CTNNA2: variants seen among roughly 807,000 people sequenced by gnomAD.
The protein encoded by CTNNA2 is catenin alpha-2.
Under a neutral mutation model 101.0 loss-of-function variants are expected in CTNNA2, and 42 were observed. The observed-to-expected ratio is 0.42, with a 90% CI of 0.32 to 0.54. The LOEUF is 0.54. CTNNA2 is among the 20% of genes least tolerant of loss of function. The pLI is 0.14. For synonymous variants in CTNNA2, 450 were observed against 456.4 expected (o/e 0.99, Z 0.18); for missense variants, 871 against 1,223.1 (o/e 0.71, Z 4.29).
chr2:80,618,985 C>G (rs1477831291), intron 17 of CTNNA2, 100 bp from the exon 18 acceptor site: 2 of 677,690 alleles, frequency 3.0e-6, no homozygotes, highest in Non-Finnish European at 4.5e-6. Flanking sequence ...ATTACCCATT[C>G]CCTCTTCCAC....
intron 8 of CTNNA2, among the ~76,000 whole-genome samples, chr2:80,415,615 T>G (rs1392598713): frequency 6.6e-6 from 1 of 152,172 alleles, no homozygotes; most frequent in Admixed American, 6.6e-5. Context: ...TTTGTGGGAA[T>G]GTAAATTAGT....
intron 1 of CTNNA2, among the ~76,000 whole-genome samples, chr2:79,645,758 T>C (rs1680773732): frequency 6.6e-6 from 1 of 152,216 alleles, no homozygotes; most frequent in Non-Finnish European, 1.5e-5. Context: ...TCAGAACAAA[T>C]CTTTTAATAA....
chr2:80,568,031 C>T (rs1478956198), intron 12 of CTNNA2, among the ~76,000 whole-genome samples: 1 of 152,092 alleles, frequency 6.6e-6, no homozygotes, highest in African/African-American at 2.4e-5. Flanking sequence ...AGTTGGGTGA[C>T]CCCTGTGCAT....
chr2:79,762,338 G>A (rs866661899), intron 3 of CTNNA2, among the ~76,000 whole-genome samples: 3 of 152,082 alleles, frequency 2.0e-5, no homozygotes, highest in African/African-American at 2.4e-5. Flanking sequence ...GGCAAGATAC[G>A]AGCATTTCAA....
chr2:80,477,907 T>A (rs903492924), intron 9 of CTNNA2, among the ~76,000 whole-genome samples: 6 of 152,108 alleles, frequency 3.9e-5, no homozygotes, highest in Non-Finnish European at 8.8e-5. Context: ...TGGGTAGATA[T>A]CCAGTAGTGG....
At chr2:79,954,963 A>G (rs1485717860) in intron 7 of CTNNA2, among the ~76,000 whole-genome samples, 1 of 152,200 alleles carries the variant, frequency 6.6e-6, no homozygotes, top group East Asian at 1.9e-4. Flanking sequence ...TTCTCTTTGA[A>G]CAAAATGAAA....
intron 7 of CTNNA2, among the ~76,000 whole-genome samples, chr2:79,968,841 T>TA (rs1690273886): frequency 2.0e-5 from 3 of 151,980 alleles, no homozygotes; most frequent in Non-Finnish European, 4.4e-5. Context: ...TTTTTTTTTT[T>TA]ACTTTGAATC....
intron 7 of CTNNA2, among the ~76,000 whole-genome samples, chr2:80,079,867 T>TAAAATAAAATAAAATAAAATA: frequency 7.1e-6 from 1 of 140,728 alleles, no homozygotes; most frequent in Non-Finnish European, 1.5e-5. Context: ...TAAAATAAAA[T>TAAAATAAAATAAAATAAAATA]AAAATAAAAT....
intron 7 of CTNNA2, among the ~76,000 whole-genome samples, chr2:80,033,686 G>T (rs757540328): frequency 6.6e-6 from 1 of 152,104 alleles, no homozygotes; most frequent in Non-Finnish European, 1.5e-5. Flanking sequence ...AACAAATACC[G>T]TATAAGAAGA....
At chr2:79,761,066 G>T (rs1319558651) in intron 3 of CTNNA2, among the ~76,000 whole-genome samples, 1 of 152,196 alleles carries the variant, frequency 6.6e-6, no homozygotes, top group Non-Finnish European at 1.5e-5. Flanking sequence ...ATGCCAGAAT[G>T]AATTTGGGAA....
chr2:79,490,012 A>G (rs1047834493), intron 4 of CTNNA2, among the ~76,000 whole-genome samples: 2 of 152,170 alleles, frequency 1.3e-5, no homozygotes, highest in Non-Finnish European at 2.9e-5. Context: ...CTTGCTTAAT[A>G]TTCTAGGACT....
intron 6 of CTNNA2, among the ~76,000 whole-genome samples, chr2:79,881,940 G>T (rs1259025701): frequency 1.3e-5 from 2 of 150,844 alleles, no homozygotes; most frequent in Admixed American, 6.6e-5. Flanking sequence ...TGCAGTGGCT[G>T]GTACTGGGTT....
intron 8 of CTNNA2, among the ~76,000 whole-genome samples, chr2:80,418,178 C>A (rs184547843): frequency 1.3e-5 from 2 of 152,122 alleles, no homozygotes; most frequent in South Asian, 2.1e-4. Context: ...GACCTTCTTA[C>A]CCTAGGCGCT....
At chr2:80,251,761 A>G (rs926229973) in intron 7 of CTNNA2, among the ~76,000 whole-genome samples, 2 of 152,164 alleles carry the variant, frequency 1.3e-5, no homozygotes, top group African/African-American at 4.8e-5. Flanking sequence ...CCCCATATTA[A>G]TCCAGTTACC....
At chr2:79,696,994 G>C (rs1684692062) in intron 2 of CTNNA2, among the ~76,000 whole-genome samples, 6 of 151,854 alleles carry the variant, frequency 4.0e-5, no homozygotes, top group Admixed American at 3.3e-4. Flanking sequence ...TAAAGTTGGA[G>C]GGTCAGAAAT....
chr2:80,514,564 T>C (rs1688958367), intron 9 of CTNNA2, among the ~76,000 whole-genome samples: 1 of 152,022 alleles, frequency 6.6e-6, no homozygotes, highest in South Asian at 2.1e-4. Flanking sequence ...GGATGTTAGA[T>C]GTGGGGAATT....
intron 2 of CTNNA2, among the ~76,000 whole-genome samples, chr2:79,687,357 G>A (rs1485085666): frequency 2.0e-5 from 3 of 151,346 alleles, no homozygotes; most frequent in Non-Finnish European, 4.4e-5. Flanking sequence ...ATATACAAAA[G>A]AAAATTTGAG....
At chr2:79,857,331 A>T (rs1222171562) in intron 3 of CTNNA2, among the ~76,000 whole-genome samples, 1 of 152,192 alleles carries the variant, frequency 6.6e-6, no homozygotes, top group Non-Finnish European at 1.5e-5. Flanking sequence ...ATGTGTTGAC[A>T]TACCTGTTTA....
intron 7 of CTNNA2, among the ~76,000 whole-genome samples, chr2:80,134,054 GC>G (rs1702558526): frequency 6.6e-6 from 1 of 152,054 alleles, no homozygotes; most frequent in Non-Finnish European, 1.5e-5. Flanking sequence ...ATAAATAATT[GC>G]CATTATTGCT....
Sources: allele counts gnomAD v4.1 joint callset (sites outside exome capture counted in the v4.1 genomes callset), GRCh38; gene constraint gnomAD v4.1.1; transcripts MANE v1.5; gene names NCBI Gene and HGNC (gene_info 2026-07-23, HGNC 2026-07-21).